Variants in PIGU observed in about 807,000 individuals in gnomAD.
PIGU encodes the protein phosphatidylinositol glycan anchor biosynthesis class U, also known as GPI-anchor transamidase component PIGU.
PIGU carries 24 observed loss-of-function variants against 49.9 expected under a neutral mutation model. The ratio of observed to expected loss-of-function variants is 0.48; its 90% CI spans 0.35 to 0.68. PIGU has a LOEUF of 0.68. PIGU is among the 30% of genes least tolerant of loss of function. The probability of loss-of-function intolerance (pLI) is 0.01; values close to 1 mark genes in which losing one functional copy is unlikely to be tolerated. For synonymous variants in PIGU, 220 were observed against 205.7 expected, an observed-to-expected ratio of 1.07 and a Z score of -0.59; for missense variants, 490 against 532.6, an observed-to-expected ratio of 0.92 and a Z score of 0.79.
At chr20:34,665,631 C>G (rs533787518) in intron 1 of PIGU, among the ~76,000 whole-genome samples, 1 of 152,114 alleles carries the variant, frequency 6.6e-6, no homozygotes, top group Admixed American at 6.6e-5. Context: ...GGAGCCACCA[C>G]GCCTGGCCCA....
At chr20:34,589,724 C>CGG (rs1019076564) in intron 7 of PIGU, among the ~76,000 whole-genome samples, 3 of 134,692 alleles carry the variant, frequency 2.2e-5, no homozygotes, top group African/African-American at 8.4e-5. Flanking sequence ...GGCGTGATCT[C>CGG]GGCTCACTGC....
chr20:34,595,595 T>C (rs1048399446), intron 7 of PIGU, among the ~76,000 whole-genome samples: 1 of 152,178 alleles, frequency 6.6e-6, no homozygotes, highest in African/African-American at 2.4e-5. Context: ...GTAATACTGC[T>C]CTTTTTGTAC....
chr20:34,585,141 T>G (rs1983646493), intron 9 of PIGU, among the ~76,000 whole-genome samples: 1 of 152,264 alleles, frequency 6.6e-6, no homozygotes, highest in African/African-American at 2.4e-5. Context: ...GGCCACCGCC[T>G]GGCTCTAGTC....
At chr20:34,580,870 G>C (rs1320779881) in intron 10 of PIGU, among the ~76,000 whole-genome samples, 1 of 152,106 alleles carries the variant, frequency 6.6e-6, no homozygotes, top group Non-Finnish European at 1.5e-5. Flanking sequence ...CTCTGAAGAG[G>C]GGATGGTTAG....
intron 11 of PIGU, among the ~76,000 whole-genome samples, chr20:34,564,129 C>G (rs557867059): frequency 6.6e-6 from 1 of 152,282 alleles, no homozygotes; most frequent in East Asian, 1.9e-4. Context: ...ATGTGGACCT[C>G]TCGATGGGGT....
intron 6 of PIGU, among the ~76,000 whole-genome samples, chr20:34,621,160 C>T (rs1317152017): frequency 1.3e-5 from 2 of 152,078 alleles, no homozygotes; most frequent in Non-Finnish European, 1.5e-5. Flanking sequence ...TTTGGCTCTC[C>T]AGCACCTAGT....
chr20:34,672,821 C>T (rs918895966), intron 1 of PIGU, among the ~76,000 whole-genome samples: 8 of 146,452 alleles, frequency 5.5e-5, no homozygotes, highest in African/African-American at 1.5e-4. Flanking sequence ...TGCCGCTGCA[C>T]TCCAGCCTGG....
chr20:34,580,522 C>T (rs1336199897), intron 10 of PIGU, among the ~76,000 whole-genome samples: 21 of 152,242 alleles, frequency 1.4e-4, no homozygotes, highest in Non-Finnish European at 2.6e-4. Context: ...AGATTCACTT[C>T]CTCTGAAGCC....
In PIGU at chr20:34,637,931, C is replaced by T. The variant is rs919431662; in HGVS notation, c.373G>A (p.Glu125Lys). 9.3e-6 allele frequency: 15 copies of T among 1,607,060 alleles called. No individual in the cohort carries two copies. The highest frequency in any genetic ancestry group is 1.2e-5 in the Non-Finnish European group (14 of 1,177,466). The change falls in exon 5 of 12, where the codon GAA becomes AAA. Residue 125 changes from glutamate (E) to lysine (K), a missense_variant. By Grantham distance (56) the Glu-to-Lys change is moderately conservative. Transcript: ENST00000217446. ...ELDQYAPDVAELIRTPMEMRY... is the reference protein window; with the variant it reads ...ELDQYAPDVAKLIRTPMEMRY... ...ATTTCCATAGGGGTCCGGATGAGTT[C>T]GGCCACATCTGGGGCATACTGGTCC...
chr20:34,640,153 A>T (rs1183197239), intron 4 of PIGU, among the ~76,000 whole-genome samples: 2 of 152,222 alleles, frequency 1.3e-5, no homozygotes, highest in African/African-American at 4.8e-5. Context: ...AGAAAGTGGC[A>T]ACTACCCGGG....
chr20:34,641,374 A>G (rs1179469710), intron 4 of PIGU, among the ~76,000 whole-genome samples: 1 of 152,142 alleles, frequency 6.6e-6, no homozygotes, highest in Non-Finnish European at 1.5e-5. Context: ...TAGCCTCCAA[A>G]TTTACAACCC....
At chr20:34,582,079 TG>T (rs1293071069) in intron 9 of PIGU, among the ~76,000 whole-genome samples, 1 of 152,164 alleles carries the variant, frequency 6.6e-6, no homozygotes, top group Non-Finnish European at 1.5e-5. Context: ...CTCTGACAAT[TG>T]GACGCAAGGC....
intron 10 of PIGU, among the ~76,000 whole-genome samples, chr20:34,575,940 C>T (rs966003610): frequency 6.6e-6 from 1 of 152,222 alleles, no homozygotes; most frequent in Non-Finnish European, 1.5e-5. Flanking sequence ...GGCTGGCTGG[C>T]TTCAGCCAAA....
At chr20:34,577,847 T>C (rs537181998) in intron 10 of PIGU, among the ~76,000 whole-genome samples, 2 of 152,318 alleles carry the variant, frequency 1.3e-5, no homozygotes, top group South Asian at 2.1e-4. Flanking sequence ...AATTCCAATA[T>C]GCAGTCGAGG....
chr20:34,570,072 A>C (rs77969341), intron 11 of PIGU, among the ~76,000 whole-genome samples: 1 of 152,364 alleles, frequency 6.6e-6, no homozygotes, highest in East Asian at 1.9e-4. Context: ...AAAGAAAAAA[A>C]GGAAAACAAT....
chr20:34,664,578 G>T (rs1190200807), intron 1 of PIGU, among the ~76,000 whole-genome samples: 2 of 152,180 alleles, frequency 1.3e-5, no homozygotes, highest in African/African-American at 4.8e-5. Flanking sequence ...TAAGGTAGAA[G>T]AATCGCTTGA....
intron 11 of PIGU, among the ~76,000 whole-genome samples, chr20:34,568,327 G>A (rs952796377): frequency 4.6e-5 from 7 of 152,168 alleles, no homozygotes; most frequent in South Asian, 2.1e-4. Flanking sequence ...AGTGCTGGAA[G>A]GACAAAGGAA....
intron 7 of PIGU, among the ~76,000 whole-genome samples, chr20:34,600,833 G>A (rs947031831): frequency 6.6e-5 from 10 of 152,044 alleles, no homozygotes; most frequent in African/African-American, 1.4e-4. Context: ...TTGGGAGTTC[G>A]AGACCAGCCT....
At chr20:34,577,699 G>A (rs1983293976) in intron 10 of PIGU, among the ~76,000 whole-genome samples, 1 of 152,168 alleles carries the variant, frequency 6.6e-6, no homozygotes, top group South Asian at 2.1e-4. Context: ...CTGAGCAACA[G>A]AGCAAGACTC....
Sources: gnomAD v4.1 joint callset for allele counts (sites outside exome capture counted in the v4.1 genomes callset) on GRCh38, gnomAD v4.1.1 for gene constraint, MANE v1.5 for transcripts, NCBI Gene and HGNC (gene_info 2026-07-23, HGNC 2026-07-21) for gene names.